Variants in FAM117B observed in about 807,000 individuals in gnomAD.
FAM117B encodes the protein family with sequence similarity 117 member B.
Under a neutral mutation model 52.8 loss-of-function variants are expected in FAM117B, and 22 were observed. The observed-to-expected ratio is 0.42, with a 90% CI of 0.30 to 0.59. The LOEUF (loss-of-function observed/expected upper bound fraction) is 0.59, where lower values mean the gene tolerates loss of function less well. Among genes scored for constraint, FAM117B ranks in the 20% least tolerant of loss-of-function variants. The probability of loss-of-function intolerance (pLI) is 0.22; values close to 1 mark genes in which losing one functional copy is unlikely to be tolerated. For missense variants in FAM117B, 678 were observed against 802.6 expected (o/e 0.84, Z 1.88); for synonymous variants, 309 against 324.1 (o/e 0.95, Z 0.50).
At chr2:202,652,674 TC>T (rs1301221283) in intron 1 of FAM117B, among the ~76,000 whole-genome samples, 1 of 152,176 alleles carries the variant, frequency 6.6e-6, no homozygotes, top group Non-Finnish European at 1.5e-5. Context: ...TAGAGATCTT[TC>T]ACTTCTATAG....
In FAM117B at chr2:202,755,689, A is replaced by G. The variant is rs1272903125; in HGVS notation, c.1104+8A>G. On this transcript the variant is annotated splice_region_variant and intron_variant, in intron 5 of 7. Coordinates refer to ENST00000392238, the MANE Select transcript of FAM117B (RefSeq NM_173511.4). ...AAGGAAGAGCAACTTATAGTAAGTG[A>G]TCTTGTATCTTAAAATCATTCTTGA... 6.2e-7 allele frequency: 1 copy of G among 1,608,000 alleles called. No homozygotes were observed. Among genetic ancestry groups the G allele is most frequent in the Non-Finnish European group, 8.5e-7 (1 of 1,176,828 alleles).
rs551996431 is a variant in FAM117B at position 202,765,210 on chromosome 2, G to A, written c.1452-236G>A. Among the ~76,000 whole-genome samples the A allele has an allele frequency of 4.0e-4, 61 of 152,220 alleles. No homozygotes were observed. In the South Asian group the frequency reaches 4.4e-3, roughly 11 times the overall value. ...GGGGCTGTCAAGGGAACTGAAAGCA[G>A]CAATGATGATGGGGGCTTCTTGCAT... On this transcript the variant is annotated intron_variant, in intron 7 of 7. Coordinates refer to ENST00000392238, the MANE Select transcript of FAM117B (RefSeq NM_173511.4).
intron 4 of FAM117B, among the ~76,000 whole-genome samples, chr2:202,733,706 G>C (rs1305740301): frequency 6.6e-6 from 1 of 152,100 alleles, no homozygotes; most frequent in African/African-American, 2.4e-5. Flanking sequence ...TAAAATCGCT[G>C]TTATTCTGTT....
rs1691819979 is a variant in FAM117B at position 202,757,428 on chromosome 2, C to G, written c.1320C>G (p.Pro440=). ...CAGCGGATGACCTGCTTGTTGATCC[C>G]AGAGATAAAGGTACAGTGCTGGAGG... ...PCSADDLLVD[P]RDKENGNNSP... is the part of the protein sequence containing the mutation. Residue 440 remains proline, a synonymous_variant, in exon 6 of 8, where the codon CCC becomes CCG. Transcript: ENST00000392238. 1 of 1,613,778 alleles carries G rather than the reference C, an allele frequency of 6.2e-7. No individual in the cohort carries two copies. Among genetic ancestry groups the G allele is most frequent in the Non-Finnish European group, 8.5e-7 (1 of 1,179,932 alleles).
At chr2:202,650,257 G>T (rs1381140532) in intron 1 of FAM117B, among the ~76,000 whole-genome samples, 1 of 152,138 alleles carries the variant, frequency 6.6e-6, no homozygotes, top group Non-Finnish European at 1.5e-5. Context: ...ATTAGATTTG[G>T]TAGATGAAAG....
At chr2:202,696,923 G>A (rs1476635916) in intron 2 of FAM117B, among the ~76,000 whole-genome samples, 2 of 152,090 alleles carry the variant, frequency 1.3e-5, no homozygotes, top group Non-Finnish European at 2.9e-5. Context: ...ACAAAAATTA[G>A]CCGGGCATGC....
At chr2:202,646,089 C>T (rs900616827) in intron 1 of FAM117B, among the ~76,000 whole-genome samples, 1 of 149,422 alleles carries the variant, frequency 6.7e-6, no homozygotes, top group African/African-American at 2.5e-5. Flanking sequence ...TGCAGTGGCA[C>T]TATCTTGGCT....
At chr2:202,685,559 G>GT (rs1159978901) in intron 1 of FAM117B, among the ~76,000 whole-genome samples, 1 of 152,038 alleles carries the variant, frequency 6.6e-6, no homozygotes, top group African/African-American at 2.4e-5. Flanking sequence ...ATATTGAAAA[G>GT]GAATAATTAA....
Position 202,765,574 on chromosome 2 carries a change from T to G in FAM117B, c.1580T>G (p.Leu527Arg). Residue 527 changes from leucine (L) to arginine (R), a missense_variant, in exon 8 of 8, where the codon CTT (leucine) becomes CGT (arginine). Transcript: ENST00000392238. ...AAGCCACTCCTTCCTACCCCGGATC[T>G]TACACTCAAGGGCTCTGGCCACAGC... is the stretch of plus-strand genomic sequence containing the variant. ...ILKPLLPTPD[L>R]TLKGSGHSLT... The G allele has an allele frequency of 6.2e-7, 1 of 1,614,094 alleles. No homozygotes were observed. The highest frequency in any genetic ancestry group is 8.5e-7 in the Non-Finnish European group (1 of 1,180,028).
At chr2:202,686,652 C>G (rs996803032) in intron 1 of FAM117B, among the ~76,000 whole-genome samples, 15 of 151,972 alleles carry the variant, frequency 9.9e-5, no homozygotes, top group Non-Finnish European at 1.9e-4. Flanking sequence ...ACTAAAAATA[C>G]AAAAATTAGC....
At chr2:202,687,684 T>G (rs565509957) in intron 1 of FAM117B, among the ~76,000 whole-genome samples, 1 of 152,340 alleles carries the variant, frequency 6.6e-6, no homozygotes, top group East Asian at 1.9e-4. Context: ...GCATTGGGAT[T>G]ACAGGCGTGA....
At position 202,751,645 on chromosome 2, in the gene FAM117B, G is replaced by A. The variant is rs780497572; in HGVS notation, c.961-3893G>A. Among the ~76,000 whole-genome samples the A allele has an allele frequency of 8.6e-5, 13 of 151,906 alleles. 1 individual carries two copies. The highest frequency in any genetic ancestry group is 8.3e-4 in the South Asian group (4 of 4,812). On this transcript the variant is annotated intron_variant, in intron 4 of 7. Coordinates refer to ENST00000392238, the MANE Select transcript of FAM117B (RefSeq NM_173511.4). ...AATTTAGCTGGGCGTTGTCGCGGGT[G>A]CCTGTAATCCCAGCTACTCGGGAGG...
At position 202,669,352 on chromosome 2, in the gene FAM117B, G is replaced by A. The variant is rs527753752; in HGVS notation, c.602-26529G>A. 9.9e-5 allele frequency among the ~76,000 whole-genome samples: 15 copies of A among 152,260 alleles called. 1 individual carries two copies. The South Asian group carries it at 2.9e-3, about 29-fold the overall frequency. Reference sequence around the variant, plus strand: ...CCAGTCATATGGTATCAGTGTGGGTGGGGCTACTTATTTATCACCAGGCTT... The same window carrying A: ...CCAGTCATATGGTATCAGTGTGGGTAGGGCTACTTATTTATCACCAGGCTT... On this transcript the variant is annotated intron_variant, in intron 1 of 7. Transcript: ENST00000392238.
chr2:202,697,267 A>G (rs1690724810), intron 2 of FAM117B, among the ~76,000 whole-genome samples: 1 of 152,190 alleles, frequency 6.6e-6, no homozygotes, highest in African/African-American at 2.4e-5. Flanking sequence ...ACTAGATAGT[A>G]AGACCCATGA....
intron 1 of FAM117B, among the ~76,000 whole-genome samples, chr2:202,653,486 G>A (rs919686047): frequency 1.6e-4 from 25 of 152,168 alleles, no homozygotes; most frequent in African/African-American, 6.0e-4. Context: ...TTACAGGCAT[G>A]AACATTTGTG....
At position 202,765,754 on chromosome 2, in the gene FAM117B, C is replaced by T; in HGVS notation, c.1760C>T (p.Ala587Val). Residue 587 changes from alanine (A) to valine (V), a missense_variant, in exon 8 of 8, where the codon GCT becomes GTT. Ala to Val is a moderately conservative substitution (Grantham distance 64). This residue lies in a region of FAM117B where 68 missense variants were observed against 80.6 expected (regional missense o/e 0.84). Coordinates refer to ENST00000392238, the MANE Select transcript of FAM117B (RefSeq NM_173511.4). ...LLPPPEPIEEAEG is the reference protein window; with the variant it reads ...LLPPPEPIEEVEG ...CCACCACCAGAACCAATTGAGGAAGCTGAAGGATAGGTCACAGTGCAACGT... is the reference window on the plus strand; with the variant it reads ...CCACCACCAGAACCAATTGAGGAAGTTGAAGGATAGGTCACAGTGCAACGT... The T allele has an allele frequency of 6.2e-7, 1 of 1,613,920 alleles. No individual in the cohort carries two copies. Among genetic ancestry groups the T allele is most frequent in the Non-Finnish European group, 8.5e-7 (1 of 1,179,858 alleles).
At chr2:202,694,172 A>G (rs1032215190) in intron 1 of FAM117B, among the ~76,000 whole-genome samples, 2 of 127,760 alleles carry the variant, frequency 1.6e-5, no homozygotes, top group African/African-American at 6.8e-5. Context: ...TGAAGATGTT[A>G]TTGCAAAACC....
At chr2:202,649,452 C>T (rs778373338) in intron 1 of FAM117B, among the ~76,000 whole-genome samples, 17 of 152,102 alleles carry the variant, frequency 1.1e-4, no homozygotes, top group Admixed American at 1.0e-3. Context: ...CTGTTTCCTC[C>T]CACCCATCCT....
intron 1 of FAM117B, among the ~76,000 whole-genome samples, chr2:202,645,834 G>C (rs1399885121): frequency 1.3e-5 from 2 of 151,332 alleles, no homozygotes; most frequent in Admixed American, 6.6e-5. Flanking sequence ...TCGAACTCCT[G>C]ACCTCAGGTG....
Sources: gnomAD v4.1 joint callset for allele counts (sites outside exome capture counted in the v4.1 genomes callset) on GRCh38, gnomAD v4.1.1 for gene constraint, gnomAD v4.1.1 regional missense constraint, MANE v1.5 for transcripts, NCBI Gene and HGNC (gene_info 2026-07-23, HGNC 2026-07-21) for gene names.